The following ENTPD1 variants were observed in gnomAD, a reference collection of about 807,000 sequenced individuals.
The protein encoded by ENTPD1 is ectonucleoside triphosphate diphosphohydrolase 1.
A neutral mutation model predicts 57.0 loss-of-function variants in ENTPD1; 33 were observed. The observed-to-expected ratio is 0.58, with a 90% CI of 0.44 to 0.77. The LOEUF is 0.77. ENTPD1 is among the 30% of genes least tolerant of loss of function. The probability of loss-of-function intolerance (pLI) is 0.00; values close to 1 mark genes in which losing one functional copy is unlikely to be tolerated. For synonymous variants in ENTPD1, 202 were observed against 218.8 expected (o/e 0.92, Z 0.68); for missense variants, 501 against 603.4 (o/e 0.83, Z 1.78).
At chr10:95,836,126 G>A (rs1047620158) in intron 2 of ENTPD1, among the ~76,000 whole-genome samples, 3 of 152,168 alleles carry the variant, frequency 2.0e-5, no homozygotes, top group African/African-American at 7.2e-5. Flanking sequence ...TCAAAGATCA[G>A]TTGGCTGTAA....
intron 1 of ENTPD1, among the ~76,000 whole-genome samples, chr10:95,731,643 G>C (rs2097989200): frequency 6.6e-6 from 1 of 152,116 alleles, no homozygotes; most frequent in South Asian, 2.1e-4. Context: ...GTTCCCCTGA[G>C]TTGGAACAGC....
In ENTPD1 at chr10:95,731,781, CTTT is replaced by C. The variant is rs34841311; in HGVS notation, c.37+19807_37+19809del. On this transcript the variant is annotated intron_variant, in intron 1 of 9. Coordinates refer to the ENTPD1 transcript ENST00000453258. ...GGTAAGAATTAGAGGAGTGGACATCCTTTTTTTTTTTTTTTTTTTTTGACAGAG... is the reference window on the plus strand; with the variant it reads ...GGTAAGAATTAGAGGAGTGGACATCCTTTTTTTTTTTTTTTTTTGACAGAG... Among the ~76,000 whole-genome samples, 13 of 79,176 alleles carry C rather than the reference CTTT, an allele frequency of 1.6e-4. 1 individual carries two copies. Among genetic ancestry groups the C allele is most frequent in the African/African-American group, 2.7e-4 (5 of 18,638 alleles). The allele number at this position is 79,176 out of a possible 152,430, so 51.9% of individuals were successfully genotyped here. A position where few individuals can be genotyped will look rare whatever the true frequency, so the allele number is the denominator to read the frequency against.
intron 1 of ENTPD1, among the ~76,000 whole-genome samples, chr10:95,800,672 G>T (rs1589884264): frequency 6.6e-6 from 1 of 152,082 alleles, no homozygotes; most frequent in Admixed American, 6.6e-5. Flanking sequence ...GCTGGGAAAA[G>T]AATTCAGCGA....
intron 1 of ENTPD1, among the ~76,000 whole-genome samples, chr10:95,814,635 A>G (rs2098323556): frequency 6.6e-6 from 1 of 152,154 alleles, no homozygotes; most frequent in Non-Finnish European, 1.5e-5. Context: ...GGGTCCACTC[A>G]GTATCAGCCA....
At chr10:95,732,826 G>A (rs1265004428) in intron 1 of ENTPD1, among the ~76,000 whole-genome samples, 1 of 152,154 alleles carries the variant, frequency 6.6e-6, no homozygotes, top group Non-Finnish European at 1.5e-5. Context: ...CAAAAGGGGA[G>A]GGAGTGTATG....
intron 1 of ENTPD1, among the ~76,000 whole-genome samples, chr10:95,728,505 G>A (rs755194542): frequency 1.3e-5 from 2 of 152,090 alleles, no homozygotes; most frequent in Non-Finnish European, 2.9e-5. Context: ...TTCTTGTAAT[G>A]GCATGACTTT....
chr10:95,733,821 T>C (rs754842998), intron 1 of ENTPD1, among the ~76,000 whole-genome samples: 1 of 152,142 alleles, frequency 6.6e-6, no homozygotes, highest in Non-Finnish European at 1.5e-5. Flanking sequence ...TTATTGTGGG[T>C]TCCCAGTCCT....
the ENTPD1 span, among the ~76,000 whole-genome samples, chr10:95,703,659 G>GT: frequency 3.4e-4 from 52 of 151,992 alleles, no homozygotes; most frequent in East Asian, 1.7e-3. Context: ...GCAGGCGCCT[G>GT]TAATCCCAGC....
In ENTPD1 at chr10:95,847,731, T is replaced by C. The variant is rs377752272; in HGVS notation, c.1074+25T>C. On this transcript the variant is annotated intron_variant, in intron 7 of 9. Transcript: ENST00000371205. ...GGTAAGTTTGTGAAATGATGAGGTATAGGATGTCTTGTTTACAAGTTATAG... is the reference window on the plus strand; with the variant it reads ...GGTAAGTTTGTGAAATGATGAGGTACAGGATGTCTTGTTTACAAGTTATAG... 7.4e-6 allele frequency: 12 copies of C among 1,613,956 alleles called. No individual in the cohort carries two copies. In the African/African-American group the frequency reaches 1.5e-4, roughly 20 times the overall value.
At chr10:95,699,742 T>C in the ENTPD1 span, among the ~76,000 whole-genome samples, 1 of 152,216 alleles carries the variant, frequency 6.6e-6, no homozygotes, top group African/African-American at 2.4e-5. Context: ...TAAAAGGGTA[T>C]ATATTTATAA....
At chr10:95,716,435 C>A (rs2097971596) in intron 1 of ENTPD1, among the ~76,000 whole-genome samples, 1 of 152,076 alleles carries the variant, frequency 6.6e-6, no homozygotes, top group Admixed American at 6.5e-5. Context: ...GGCTTGGTCC[C>A]CAGTGTAACG....
At chr10:95,722,119 T>C (rs1032644755) in intron 1 of ENTPD1, among the ~76,000 whole-genome samples, 1 of 151,286 alleles carries the variant, frequency 6.6e-6, no homozygotes, top group African/African-American at 2.5e-5. Flanking sequence ...CTATAAGTGC[T>C]TTAAGACTTG....
intron 1 of ENTPD1, among the ~76,000 whole-genome samples, chr10:95,782,278 A>G (rs1340837): frequency 0.37 from 56,468 of 152,068 alleles, 10,982 homozygotes; most frequent in Admixed American, 0.49. Flanking sequence ...GTGATTCAGT[A>G]TATATTTATT....
chr10:95,708,784 A>C (rs2097963520), upstream of ENTPD1, among the ~76,000 whole-genome samples: 1 of 152,244 alleles, frequency 6.6e-6, no homozygotes, highest in Non-Finnish European at 1.5e-5. Context: ...TAAAAAAGGC[A>C]CATTTAAACT....
chr10:95,768,950 C>T (rs1050800967), intron 1 of ENTPD1, among the ~76,000 whole-genome samples: 15 of 152,182 alleles, frequency 9.9e-5, no homozygotes, highest in African/African-American at 2.4e-4. Context: ...CCCAGTCTAA[C>T]GTTGATATGG....
intron 1 of ENTPD1, among the ~76,000 whole-genome samples, chr10:95,814,595 G>A (rs2140475139): frequency 6.6e-6 from 1 of 152,148 alleles, no homozygotes; most frequent in African/African-American, 2.4e-5. Flanking sequence ...TCACCAAATA[G>A]GCTCTCCCCA....
At chr10:95,774,265 TC>T (rs1234131956) in intron 1 of ENTPD1, among the ~76,000 whole-genome samples, 1 of 152,366 alleles carries the variant, frequency 6.6e-6, no homozygotes, top group Admixed American at 6.5e-5. Flanking sequence ...AAAAATTTTC[TC>T]CCATTCTGTA....
intron 1 of ENTPD1, among the ~76,000 whole-genome samples, chr10:95,779,079 C>T (rs2098145860): frequency 6.6e-6 from 1 of 152,184 alleles, no homozygotes; most frequent in Non-Finnish European, 1.5e-5. Flanking sequence ...TCCTCACCAC[C>T]TCCCTAACCC....
intron 8 of ENTPD1, among the ~76,000 whole-genome samples, chr10:95,862,922 A>C (rs1401069799): frequency 6.6e-6 from 1 of 152,234 alleles, no homozygotes; most frequent in Non-Finnish European, 1.5e-5. Flanking sequence ...GAAAGAGGAT[A>C]TCCATGAAGA....
Sources: allele counts gnomAD v4.1 joint callset (sites outside exome capture counted in the v4.1 genomes callset), GRCh38; gene constraint gnomAD v4.1.1; transcripts MANE v1.5; gene names NCBI Gene and HGNC (gene_info 2026-07-23, HGNC 2026-07-21).